Variants in CHIC1 observed in about 807,000 individuals in gnomAD.
CHIC1 encodes the protein cysteine-rich hydrophobic domain-containing protein 1.
A neutral mutation model predicts 18.5 loss-of-function variants in CHIC1; 7 were observed. The observed-to-expected ratio is 0.38, with a 90% confidence interval of 0.22 to 0.71. CHIC1 has a LOEUF of 0.71. CHIC1 is among the 30% of genes least tolerant of loss of function. The probability of loss-of-function intolerance (pLI) is 0.49; values close to 1 mark genes in which losing one functional copy is unlikely to be tolerated. For missense variants in CHIC1, 159 were observed against 176.9 expected, an observed-to-expected ratio of 0.90 and a Z score of 0.57; for synonymous variants, 77 against 73.5, an observed-to-expected ratio of 1.05 and a Z score of -0.25.
chrX:73,629,166 A>G (rs2057796659), intron 3 of CHIC1, among the ~76,000 whole-genome samples: 1 of 109,522 alleles, frequency 9.1e-6, no homozygotes, highest in African/African-American at 3.3e-5. Flanking sequence ...TTTTCTATTC[A>G]GTTATTTTTC....
chrX:73,647,797 G>T (rs1260275895), intron 3 of CHIC1, among the ~76,000 whole-genome samples: 1 of 112,429 alleles, frequency 8.9e-6, no homozygotes, highest in Non-Finnish European at 1.9e-5. Context: ...CTACTGCTGA[G>T]GAATCCAGGC....
chrX:73,625,572 A>G (rs1230050787), intron 3 of CHIC1, among the ~76,000 whole-genome samples: 3 of 111,474 alleles, frequency 2.7e-5, no homozygotes, highest in Non-Finnish European at 5.7e-5. Flanking sequence ...TTAGGGAAAA[A>G]AAAGCTCCCC....
intron 3 of CHIC1, among the ~76,000 whole-genome samples, chrX:73,625,630 G>A (rs1297432594): frequency 1.8e-5 from 2 of 111,654 alleles, no homozygotes; most frequent in African/African-American, 3.3e-5. Context: ...GCCATCAGCA[G>A]AGTGCAAGGC....
intron 3 of CHIC1, among the ~76,000 whole-genome samples, chrX:73,642,882 C>A (rs1303301639): frequency 9.2e-6 from 1 of 108,731 alleles, no homozygotes; most frequent in East Asian, 2.9e-4. Context: ...TGATCTATAT[C>A]TCTGTTTTGG....
At chrX:73,669,523 G>C (rs1195348245) in intron 3 of CHIC1, among the ~76,000 whole-genome samples, 1 of 98,033 alleles carries the variant, frequency 1.0e-5, no homozygotes, top group African/African-American at 3.7e-5. Context: ...ACCACACTAT[G>C]TCTCAGGGAG....
intron 3 of CHIC1, among the ~76,000 whole-genome samples, chrX:73,622,557 TTGTG>T (rs2057765049): frequency 8.9e-6 from 1 of 111,903 alleles, no homozygotes; most frequent in Non-Finnish European, 1.9e-5. Flanking sequence ...TTATTTTTTA[TTGTG>T]TGTATTTTAT....
At chrX:73,651,663 A>G (rs931365809) in intron 3 of CHIC1, among the ~76,000 whole-genome samples, 1 of 111,230 alleles carries the variant, frequency 9.0e-6, no homozygotes, top group Admixed American at 9.6e-5. Flanking sequence ...CTAAGGATAC[A>G]GCTAATAAGG....
chrX:73,616,865 G>C (rs1325243631), intron 3 of CHIC1, among the ~76,000 whole-genome samples: 7 of 111,743 alleles, frequency 6.3e-5, no homozygotes, highest in Non-Finnish European at 1.3e-4. Context: ...GTGATGGTAG[G>C]GGCTTCCACA....
intron 3 of CHIC1, 23 bp from the exon 4 acceptor site, chrX:73,679,303 A>G: frequency 1.9e-6 from 2 of 1,074,217 alleles, no homozygotes; most frequent in Non-Finnish European, 2.6e-6. Context: ...ATCTTGTAAC[A>G]AAGTCTTGAT....
chrX:73,633,027 A>G (rs1569503494), intron 3 of CHIC1, among the ~76,000 whole-genome samples: 1 of 110,619 alleles, frequency 9.0e-6, no homozygotes, highest in East Asian at 2.8e-4. Context: ...TCAGCCTCCC[A>G]AAGTGCTGGG....
At chrX:73,600,491 A>G (rs2057640016) in intron 3 of CHIC1, among the ~76,000 whole-genome samples, 1 of 107,223 alleles carries the variant, frequency 9.3e-6, no homozygotes, top group Non-Finnish European at 1.9e-5. Flanking sequence ...AGCTCTTATT[A>G]CTTTGAAATA....
intron 3 of CHIC1, among the ~76,000 whole-genome samples, chrX:73,661,236 G>A (rs980451030): frequency 1.8e-5 from 2 of 112,264 alleles, no homozygotes; most frequent in Non-Finnish European, 3.8e-5. Flanking sequence ...GGACTCTCCA[G>A]GAAAGGCATG....
intron 3 of CHIC1, among the ~76,000 whole-genome samples, chrX:73,650,580 A>C (rs2057911164): frequency 1.8e-5 from 2 of 110,335 alleles, no homozygotes; most frequent in African/African-American, 6.6e-5. Flanking sequence ...GAAAATCTAC[A>C]AGAAATTGAT....
chrX:73,641,971 A>G (rs936295366), intron 3 of CHIC1, among the ~76,000 whole-genome samples: 2 of 111,744 alleles, frequency 1.8e-5, no homozygotes, highest in Non-Finnish European at 3.8e-5. Flanking sequence ...TAGTGCCACA[A>G]TAAACATACG....
At chrX:73,659,930 T>C (rs1240925623) in intron 3 of CHIC1, among the ~76,000 whole-genome samples, 2 of 111,632 alleles carry the variant, frequency 1.8e-5, no homozygotes, top group Non-Finnish European at 3.8e-5. Context: ...GAAACTGTCA[T>C]TGATGCCATG....
intron 3 of CHIC1, among the ~76,000 whole-genome samples, chrX:73,633,232 A>G (rs1315188268): frequency 1.1e-5 from 1 of 87,040 alleles, no homozygotes; most frequent in Non-Finnish European, 2.3e-5. Flanking sequence ...CCCTCCCCCC[A>G]CTGCCCCCCC....
chrX:73,671,729 A>T (rs1344539224), intron 3 of CHIC1, among the ~76,000 whole-genome samples: 1 of 104,761 alleles, frequency 9.5e-6, no homozygotes, highest in Admixed American at 1.0e-4. Flanking sequence ...TTCTATTAGT[A>T]TTTATTTATT....
intron 3 of CHIC1, among the ~76,000 whole-genome samples, chrX:73,672,793 G>T (rs747273963): frequency 0.019 from 2,157 of 111,113 alleles, 70 homozygotes; most frequent in African/African-American, 0.066. Flanking sequence ...GTCAATTTTG[G>T]CTTTTGTTGC....
chrX:73,668,782 G>T (rs936161764), intron 3 of CHIC1, among the ~76,000 whole-genome samples: 2 of 112,403 alleles, frequency 1.8e-5, no homozygotes, highest in African/African-American at 6.5e-5. Context: ...TGTAGGAGGT[G>T]ACTGGAGACC....
Sources: gnomAD v4.1 joint callset for allele counts (sites outside exome capture counted in the v4.1 genomes callset) on GRCh38, gnomAD v4.1.1 for gene constraint, MANE v1.5 for transcripts, NCBI Gene and HGNC (gene_info 2026-07-23, HGNC 2026-07-21) for gene names.